DYM: variants seen among roughly 807,000 people sequenced by gnomAD.
DYM encodes dymeclin.
In DYM, 78 loss-of-function variants were observed where a neutral mutation model predicts 93.1. The ratio of observed to expected loss-of-function variants is 0.84; its 90% CI spans 0.70 to 1.01. The LOEUF is 1.01. Among genes scored for constraint, DYM ranks in the 50% least tolerant of loss-of-function variants. DYM has a pLI of 0.00. For synonymous variants in DYM, 321 were observed against 319.7 expected (o/e 1.00, Z -0.04); for missense variants, 789 against 845.0 (o/e 0.93, Z 0.82).
At chr18:49,348,705 T>TAA (rs2064842222) in intron 6 of DYM, among the ~76,000 whole-genome samples, 1 of 151,612 alleles carries the variant, frequency 6.6e-6, no homozygotes, top group Non-Finnish European at 1.5e-5. Flanking sequence ...GGTCAAGACA[T>TAA]AGAGGCCATC....
intron 14 of DYM, among the ~76,000 whole-genome samples, chr18:49,176,069 G>A (rs2089335510): frequency 6.6e-6 from 1 of 152,086 alleles, no homozygotes; most frequent in Non-Finnish European, 1.5e-5. Flanking sequence ...ACATGGCAAA[G>A]TATTGGACTA....
chr18:49,163,922 T>C, intron 14 of DYM, 135 bp from the exon 15 acceptor site: 1 of 654,544 alleles, frequency 1.5e-6, no homozygotes. Context: ...CATGCCTGTG[T>C]TAACAGCAAG....
intron 14 of DYM, among the ~76,000 whole-genome samples, chr18:49,192,816 C>T (rs2091101361): frequency 6.6e-6 from 1 of 151,920 alleles, no homozygotes; most frequent in African/African-American, 2.4e-5. Flanking sequence ...TGAGAAATGG[C>T]ATTGGAATTT....
intron 1 of DYM, among the ~76,000 whole-genome samples, chr18:49,452,650 G>GACACGCACCAATCAGCACCCTGTAAAAT (rs1600386582): frequency 5.1e-4 from 71 of 139,980 alleles, no homozygotes; most frequent in South Asian, 1.4e-3. Flanking sequence ...TCACTGCCGT[G>GACACGCACCAATCAGCACCCTGTAAAAT]GGCTCCTGCG....
At chr18:49,263,876 C>G (rs2094528803) in intron 11 of DYM, among the ~76,000 whole-genome samples, 1 of 152,172 alleles carries the variant, frequency 6.6e-6, no homozygotes, top group South Asian at 2.1e-4. Context: ...GCCATACTAG[C>G]TACATTTCAG....
chr18:49,282,573 A>G (rs896513302), intron 9 of DYM, among the ~76,000 whole-genome samples: 4 of 152,258 alleles, frequency 2.6e-5, no homozygotes, highest in Non-Finnish European at 5.9e-5. Flanking sequence ...AGCTCACGCC[A>G]CTGCACTTCA....
intron 5 of DYM, among the ~76,000 whole-genome samples, chr18:49,369,368 C>T (rs2066797061): frequency 6.6e-6 from 1 of 152,158 alleles, no homozygotes; most frequent in South Asian, 2.1e-4. Context: ...GGGTGGCCTC[C>T]TAACACATGG....
chr18:49,138,927 A>G (rs2084145018), intron 15 of DYM, among the ~76,000 whole-genome samples: 2 of 152,184 alleles, frequency 1.3e-5, no homozygotes, highest in African/African-American at 4.8e-5. Flanking sequence ...GTAATACCAG[A>G]AATAGGAGAA....
At chr18:49,409,028 C>T (rs1487018979) in intron 2 of DYM, among the ~76,000 whole-genome samples, 2 of 152,098 alleles carry the variant, frequency 1.3e-5, no homozygotes, top group African/African-American at 2.4e-5. Context: ...TTCACACTTG[C>T]AATCCCAGCA....
At chr18:49,068,986 TA>T (rs1038533556) in intron 17 of DYM, among the ~76,000 whole-genome samples, 1 of 152,224 alleles carries the variant, frequency 6.6e-6, no homozygotes, top group African/African-American at 2.4e-5. Context: ...ATTGTGAGAA[TA>T]GAATGTATAT....
intron 14 of DYM, among the ~76,000 whole-genome samples, chr18:49,207,524 A>G (rs772766509): frequency 6.6e-6 from 1 of 152,218 alleles, no homozygotes; most frequent in Non-Finnish European, 1.5e-5. Context: ...TGTGATTAAC[A>G]TTTATGGAAT....
At chr18:49,231,822 T>C (rs2093704144) in intron 13 of DYM, among the ~76,000 whole-genome samples, 1 of 152,148 alleles carries the variant, frequency 6.6e-6, no homozygotes, top group African/African-American at 2.4e-5. Context: ...TAGTCAAAGA[T>C]TCCTCTAAAT....
intron 14 of DYM, among the ~76,000 whole-genome samples, chr18:49,189,803 C>A (rs1184140582): frequency 6.6e-6 from 1 of 152,148 alleles, no homozygotes; most frequent in Non-Finnish European, 1.5e-5. Flanking sequence ...AATAAAATTT[C>A]TCTAAACAAC....
chr18:49,296,536 T>C (rs9960383), intron 8 of DYM, among the ~76,000 whole-genome samples: 3,938 of 152,070 alleles, frequency 0.026, 158 homozygotes, highest in African/African-American at 0.088. Flanking sequence ...CAGAGACAGA[T>C]AAATAAACTG....
chr18:49,381,930 T>C (rs1487605750), intron 3 of DYM, among the ~76,000 whole-genome samples: 1 of 148,084 alleles, frequency 6.8e-6, no homozygotes, highest in East Asian at 2.0e-4. Context: ...AAAAAAAGAA[T>C]AGTTAAGGTT....
intron 2 of DYM, among the ~76,000 whole-genome samples, chr18:49,411,612 GC>G (rs2148199538): frequency 6.6e-6 from 1 of 152,196 alleles, no homozygotes; most frequent in Non-Finnish European, 1.5e-5. Flanking sequence ...AAGCAGATAG[GC>G]AAAAAAATTG....
intron 2 of DYM, among the ~76,000 whole-genome samples, chr18:49,411,700 C>A (rs536198803): frequency 2.6e-5 from 4 of 152,270 alleles, no homozygotes; most frequent in South Asian, 4.1e-4. Context: ...AACATAAACA[C>A]TGAAAATCCT....
At chr18:49,441,319 AT>A (rs1185304644) in intron 1 of DYM, among the ~76,000 whole-genome samples, 3,439 of 79,504 alleles carry the variant, frequency 0.043, 215 homozygotes, top group East Asian at 0.21. Flanking sequence ...TTAATATATA[AT>A]TATATATAAT....
rs186780860 is a variant in DYM, at chr18:49,107,235, G to A, written c.1912-9720C>T. ...CTTGTGCATTCGTCACGTAGTTCTC[G>A]TTCCTTGGTTTTCAGCTCCATTAGG... is the stretch of plus-strand genomic sequence containing the variant. On this transcript the variant is annotated intron_variant, in intron 16 of 17. Coordinates refer to ENST00000675505, the MANE Select transcript of DYM (RefSeq NM_001353214.3). Among the ~76,000 whole-genome samples the A allele has an allele frequency of 3.0e-3, 463 of 152,254 alleles. 2 individuals are homozygous for A. The highest frequency in any genetic ancestry group is 0.011 in the African/African-American group (453 of 41,532).
Sources: gnomAD v4.1 joint callset for allele counts (sites outside exome capture counted in the v4.1 genomes callset) on GRCh38, gnomAD v4.1.1 for gene constraint, MANE v1.5 for transcripts, NCBI Gene and HGNC (gene_info 2026-07-23, HGNC 2026-07-21) for gene names.